Variants in COL22A1 observed in about 807,000 individuals in gnomAD.
COL22A1 encodes collagen alpha-1(XXII) chain.
In COL22A1, 221 loss-of-function variants were observed where a neutral mutation model predicts 248.9. That is an observed-to-expected ratio of 0.89 (90% CI 0.80 to 0.99). COL22A1 has a LOEUF of 0.99. COL22A1 is among the 50% of genes least tolerant of loss of function. The pLI, the probability that COL22A1 is intolerant of heterozygous loss-of-function variation, is 0.00. For synonymous variants in COL22A1, 891 were observed against 793.4 expected, an observed-to-expected ratio of 1.12 and a Z score of -2.07; for missense variants, 2,240 against 2,179.0, an observed-to-expected ratio of 1.03 and a Z score of -0.56.
At chr8:138,674,437 C>A (rs1185667780) in intron 41 of COL22A1, among the ~76,000 whole-genome samples, 1 of 152,122 alleles carries the variant, frequency 6.6e-6, no homozygotes, top group Non-Finnish European at 1.5e-5. Context: ...TGGGCTGTGG[C>A]CAGAGATAGG....
At chr8:138,660,018 C>T (rs1396587419) in intron 44 of COL22A1, among the ~76,000 whole-genome samples, 1 of 152,202 alleles carries the variant, frequency 6.6e-6, no homozygotes, top group East Asian at 1.9e-4. Flanking sequence ...CTGTCCCGTT[C>T]CATGCCTGGG....
At chr8:138,795,434 A>C (rs1397639689) in intron 12 of COL22A1, among the ~76,000 whole-genome samples, 3 of 152,088 alleles carry the variant, frequency 2.0e-5, no homozygotes, top group Non-Finnish European at 4.4e-5. Flanking sequence ...GAAAATAAAC[A>C]TCCTCATAAC....
chr8:138,656,774 G>C (rs72727856), intron 44 of COL22A1, among the ~76,000 whole-genome samples: 1 of 152,196 alleles, frequency 6.6e-6, no homozygotes, highest in Non-Finnish European at 1.5e-5. Flanking sequence ...AGGAATACCA[G>C]AAGACCCAGG....
At chr8:138,871,334 C>G (rs976660582) in intron 3 of COL22A1, among the ~76,000 whole-genome samples, 1 of 152,186 alleles carries the variant, frequency 6.6e-6, no homozygotes, top group Non-Finnish European at 1.5e-5. Context: ...GGCTGAGCCC[C>G]CAGTCCTGCC....
At chr8:138,637,832 A>G (rs1821325409) in intron 47 of COL22A1, among the ~76,000 whole-genome samples, 1 of 150,678 alleles carries the variant, frequency 6.6e-6, no homozygotes, top group South Asian at 2.1e-4. Flanking sequence ...GATCATCATG[A>G]TCATTATCAT....
rs751168155 is a variant in COL22A1 at position 138,607,945 on chromosome 8, T to C, written c.4023A>G (p.Ser1341=). 1 of 1,614,086 alleles carries C rather than the reference T, an allele frequency of 6.2e-7. No individual in the cohort carries two copies. Among genetic ancestry groups the C allele is most frequent in the Admixed American group, 1.7e-5 (1 of 60,016 alleles). The change falls in exon 57 of 65, where the codon TCA becomes TCG. Residue 1341 remains serine (S), a synonymous_variant. Coordinates refer to ENST00000303045, the MANE Select transcript of COL22A1 (RefSeq NM_152888.3). ...GCCAAAGAGAACTCACAGGGGTTCC[T>C]GAAGGGCCAGGCTCTCCTGGAGATC... ...SPGSPGEPGP[S]GTPGQKGSKG...
intron 12 of COL22A1, among the ~76,000 whole-genome samples, chr8:138,785,121 C>A (rs1276464219): frequency 6.6e-6 from 1 of 152,132 alleles, no homozygotes; most frequent in African/African-American, 2.4e-5. Context: ...TAGCATCCAG[C>A]CTTAGCTCTC....
In COL22A1 at chr8:138,888,064, A is replaced by G. The variant is rs529009258; in HGVS notation, c.-72-4820T>C. Among the ~76,000 whole-genome samples the G allele has an allele frequency of 3.9e-5, 6 of 152,348 alleles. No individual in the cohort carries two copies. The East Asian group carries it at 1.2e-3, about 29-fold the overall frequency. ...ATTTCTAAACGTATTTTTCATTGTTAAAGCCAAGGTCCTGGACAGGGAAAA... is the reference window on the plus strand; with the variant it reads ...ATTTCTAAACGTATTTTTCATTGTTGAAGCCAAGGTCCTGGACAGGGAAAA... On this transcript the variant is annotated intron_variant, in intron 1 of 64. Coordinates refer to ENST00000303045, the MANE Select transcript of COL22A1 (RefSeq NM_152888.3).
chr8:138,602,629 C>T (rs1052651229), intron 59 of COL22A1, among the ~76,000 whole-genome samples: 13 of 152,200 alleles, frequency 8.5e-5, no homozygotes, highest in Admixed American at 4.6e-4. Flanking sequence ...ACCTGGCCTG[C>T]AGGTCTCCTC....
At chr8:138,809,193 AC>A (rs1331272676) in intron 9 of COL22A1, among the ~76,000 whole-genome samples, 2 of 147,508 alleles carry the variant, frequency 1.4e-5, no homozygotes, top group Admixed American at 6.8e-5. Context: ...CTCCCTTCTC[AC>A]CCCCCTGTGC....
At position 138,878,003 on chromosome 8, in the gene COL22A1, G is replaced by A. The variant is rs772758374; in HGVS notation, c.405C>T (p.Gly135=). 4 of 1,581,336 alleles carry A rather than the reference G, an allele frequency of 2.5e-6. No homozygotes were observed. Among genetic ancestry groups the A allele is most frequent in the Non-Finnish European group, 3.4e-6 (4 of 1,164,018 alleles). ...GCTTGTAGGCGCGGTCCCTGGGGCGGCCGCCGGCGTGTGGGGAGAAGCTGC... is the reference window on the plus strand; with the variant it reads ...GCTTGTAGGCGCGGTCCCTGGGGCGACCGCCGGCGTGTGGGGAGAAGCTGC... ...TARSFSPHAG[G]RPRDRAYKQV... is the part of the protein sequence containing the mutation. The change falls in exon 3 of 65, where the codon GGC becomes GGT. Residue 135 remains glycine (G), a synonymous_variant. Transcript: ENST00000303045.
At chr8:138,765,934 G>C (rs746118825) in intron 16 of COL22A1, among the ~76,000 whole-genome samples, 19 of 152,236 alleles carry the variant, frequency 1.2e-4, no homozygotes, top group Non-Finnish European at 2.5e-4. Context: ...CAGTGTAAGA[G>C]AGCTAGTGTG....
intron 62 of COL22A1, among the ~76,000 whole-genome samples, chr8:138,594,847 CT>C (rs1349074051): frequency 1.2e-4 from 18 of 152,254 alleles, no homozygotes; most frequent in African/African-American, 4.3e-4. Flanking sequence ...CACTTTTCCT[CT>C]CCGATGTCAA....
chr8:138,816,471 T>A (rs1818698787), intron 7 of COL22A1, among the ~76,000 whole-genome samples: 1 of 152,180 alleles, frequency 6.6e-6, no homozygotes, highest in Non-Finnish European at 1.5e-5. Flanking sequence ...GCTCCCTGGA[T>A]CCCAGCTTCC....
chr8:138,756,434 T>C (rs1833010487), intron 18 of COL22A1, among the ~76,000 whole-genome samples: 1 of 152,166 alleles, frequency 6.6e-6, no homozygotes, highest in South Asian at 2.1e-4. Context: ...GCGTGTGCGC[T>C]ACAACTTGGT....
At chr8:138,912,253 GCATGCAGCTGGGCAGCGTACCC>G (rs2132218597) in intron 1 of COL22A1, among the ~76,000 whole-genome samples, 1 of 152,310 alleles carries the variant, frequency 6.6e-6, no homozygotes, top group East Asian at 1.9e-4. Flanking sequence ...ACTGCAACTT[GCATGCAGCTGGGCAGCGTACCC>G]CATGCAGCAG....
intron 24 of COL22A1, 51 bp from the exon 25 acceptor site, chr8:138,724,719 A>G (rs777728244): frequency 1.3e-6 from 2 of 1,562,168 alleles, no homozygotes; most frequent in South Asian, 2.2e-5. Context: ...CAGAGATCAG[A>G]TCATTGACTC....
chr8:138,798,974 T>C (rs956793440), intron 11 of COL22A1, among the ~76,000 whole-genome samples: 1 of 152,192 alleles, frequency 6.6e-6, no homozygotes, highest in African/African-American at 2.4e-5. Flanking sequence ...TAGGTGCAGA[T>C]TCATGCACTT....
chr8:138,599,791 T>C (rs1247298591), intron 60 of COL22A1, among the ~76,000 whole-genome samples: 1 of 152,184 alleles, frequency 6.6e-6, no homozygotes, highest in Non-Finnish European at 1.5e-5. Context: ...CACCAGCCCA[T>C]GGTCACACAG....
Sources: allele counts gnomAD v4.1 joint callset (sites outside exome capture counted in the v4.1 genomes callset), GRCh38; gene constraint gnomAD v4.1.1; transcripts MANE v1.5; gene names NCBI Gene and HGNC (gene_info 2026-07-23, HGNC 2026-07-21).